Variants in SPMIP4 observed in about 807,000 individuals in gnomAD.
SPMIP4 encodes the protein sperm microtubule inner protein 4.
At chr7:25,179,202 A>T in the SPMIP4 span, 3 of 1,610,646 alleles carry the variant, frequency 1.9e-6, no homozygotes, top group African/African-American at 4.0e-5. Context: ...TGGGCGAGTA[A>T]CCGTCTGGAG....
At chr7:25,136,106 A>T in the SPMIP4 span, 1 of 1,614,184 alleles carries the variant, frequency 6.2e-7, no homozygotes, top group Non-Finnish European at 8.5e-7. The surrounding 1 kb of genome is among the most constrained non-coding windows in gnomAD (Gnocchi z 5.7). Context: ...TTTGAAAAAG[A>T]GTTCTTAAGC....
chr7:25,125,845 C>T, the SPMIP4 span: 1 of 905,480 alleles, frequency 1.1e-6, no homozygotes, highest in Non-Finnish European at 1.3e-6. Context: ...AGTTGGGCAC[C>T]AGCTCGTGAC....
At chr7:25,142,895 G>T in the SPMIP4 span, 1 of 1,082,180 alleles carries the variant, frequency 9.2e-7, no homozygotes, top group Non-Finnish European at 1.3e-6. Context: ...GCAGGAAAGA[G>T]GCAAAGGAAA....
At chr7:25,180,219 G>A in the SPMIP4 span, 1 of 153,208 alleles carries the variant, frequency 6.5e-6, no homozygotes, top group Non-Finnish European at 1.5e-5. Flanking sequence ...GCTTCCGGGC[G>A]GCGAGCGGGG....
chr7:25,166,531 G>A, the SPMIP4 span, among the ~76,000 whole-genome samples: 8 of 151,844 alleles, frequency 5.3e-5, no homozygotes, highest in African/African-American at 1.9e-4. Flanking sequence ...AGCTTGCAGT[G>A]AGCTGAGATC....
chr7:25,170,875 T>C, the SPMIP4 span, among the ~76,000 whole-genome samples: 1 of 152,212 alleles, frequency 6.6e-6, no homozygotes, highest in African/African-American at 2.4e-5. Flanking sequence ...CCTAATCTTG[T>C]AAAGGAGCTA....
At chr7:25,173,413 T>A in the SPMIP4 span, among the ~76,000 whole-genome samples, 2 of 152,238 alleles carry the variant, frequency 1.3e-5, no homozygotes, top group African/African-American at 4.8e-5. The surrounding 1 kb of genome is among the most constrained non-coding windows in gnomAD (Gnocchi z 4.4). Flanking sequence ...ATGGACTATA[T>A]ACATACGGTC....
chr7:25,180,226 G>A, the SPMIP4 span: 86 of 153,234 alleles, frequency 5.6e-4, 1 homozygote, highest in South Asian at 0.014. Context: ...GGCGGCGAGC[G>A]GGGCGCAGTA....
the SPMIP4 span, chr7:25,161,128 T>C: frequency 9.9e-7 from 1 of 1,006,008 alleles, no homozygotes; most frequent in South Asian, 1.7e-5. Context: ...ATGTCTCATA[T>C]AACTCATTTC....
chr7:25,132,181 A>G, the SPMIP4 span, among the ~76,000 whole-genome samples: 7 of 152,152 alleles, frequency 4.6e-5, no homozygotes, highest in Non-Finnish European at 2.9e-5. The surrounding 1 kb of genome is among the most constrained non-coding windows in gnomAD (Gnocchi z 5.0). Context: ...ACAGATGATT[A>G]GCTATTTCTT....
the SPMIP4 span, among the ~76,000 whole-genome samples, chr7:25,169,205 C>T: frequency 6.6e-6 from 1 of 151,954 alleles, no homozygotes. Flanking sequence ...GCCTGGGCAA[C>T]ATAGCAAGAC....
chr7:25,157,967 T>C, the SPMIP4 span, among the ~76,000 whole-genome samples: 1 of 152,202 alleles, frequency 6.6e-6, no homozygotes, highest in African/African-American at 2.4e-5. Context: ...CCTAAAATTA[T>C]ACGAAAATAA....
At chr7:25,178,382 T>C in the SPMIP4 span, among the ~76,000 whole-genome samples, 4 of 152,330 alleles carry the variant, frequency 2.6e-5, no homozygotes, top group East Asian at 7.7e-4. Context: ...AATTCTGTTT[T>C]GAGTTCTTTG....
chr7:25,141,032 A>C, the SPMIP4 span, among the ~76,000 whole-genome samples: 10 of 152,358 alleles, frequency 6.6e-5, no homozygotes, highest in South Asian at 2.1e-3. Flanking sequence ...CAAATAAAAC[A>C]ACACATATGC....
At chr7:25,179,365 TCG>T in the SPMIP4 span, 1 of 1,576,034 alleles carries the variant, frequency 6.3e-7, no homozygotes. Flanking sequence ...ATTTGGCTTG[TCG>T]AGTCAAGGCA....
the SPMIP4 span, chr7:25,125,925 A>G: frequency 2.0e-6 from 2 of 985,448 alleles, no homozygotes; most frequent in Non-Finnish European, 2.4e-6. Context: ...TGGACGCCCC[A>G]AGACTGAGGA....
the SPMIP4 span, among the ~76,000 whole-genome samples, chr7:25,152,671 C>T: frequency 6.6e-6 from 1 of 151,420 alleles, no homozygotes; most frequent in Non-Finnish European, 1.5e-5. Context: ...TCCTTCCTTC[C>T]TTCTTTCCTT....
chr7:25,177,343 C>T, the SPMIP4 span, among the ~76,000 whole-genome samples: 44 of 152,084 alleles, frequency 2.9e-4, no homozygotes, highest in Admixed American at 5.2e-4. Flanking sequence ...ATTAGCTGGG[C>T]GAGGTGGTGT....
the SPMIP4 span, chr7:25,168,490 G>A: frequency 1.3e-6 from 2 of 1,555,316 alleles, no homozygotes; most frequent in Non-Finnish European, 1.7e-6. Context: ...AGACTTCAAA[G>A]AGCCTCAGCA....
Sources: allele counts gnomAD v4.1 joint callset (sites outside exome capture counted in the v4.1 genomes callset), GRCh38; gene constraint gnomAD v4.1.1; non-coding constraint Gnocchi (gnomAD v3.1); transcripts MANE v1.5; gene names NCBI Gene and HGNC (gene_info 2026-07-23, HGNC 2026-07-21).